ATRNL1: variants seen among roughly 807,000 people sequenced by gnomAD.
The protein encoded by ATRNL1 is attractin like 1, also known as attractin-like protein 1.
Under a neutral mutation model 182.7 loss-of-function variants are expected in ATRNL1, and 95 were observed. That is an observed-to-expected ratio of 0.52 (90% confidence interval 0.44 to 0.62). The LOEUF is 0.62. ATRNL1 is among the 20% of genes least tolerant of loss of function. The pLI, the probability that ATRNL1 is intolerant of heterozygous loss-of-function variation, is 0.00. For missense variants in ATRNL1, 1,471 were observed against 1,679.5 expected (o/e 0.88, Z 2.17); for synonymous variants, 576 against 568.3 (o/e 1.01, Z -0.19).
chr10:115,783,552 A>G lies in ATRNL1; in HGVS notation c.3903+56197A>G, dbSNP rs72826892. On this transcript the variant is annotated intron_variant, in intron 27 of 28. Coordinates refer to ENST00000355044, the MANE Select transcript of ATRNL1 (RefSeq NM_207303.4). ...ATAATAAATGTTAAAATACGTATAA[A>G]TTGCAAAGTACCTACACATTTAAGA... 6.7e-3 allele frequency among the ~76,000 whole-genome samples: 1,019 copies of G among 152,310 alleles called. 8 individuals carry two copies. Among genetic ancestry groups the G allele is most frequent in the Non-Finnish European group, 0.01 (714 of 68,034 alleles).
At chr10:115,633,434 T>C (rs895910221) in intron 26 of ATRNL1, among the ~76,000 whole-genome samples, 23 of 152,212 alleles carry the variant, frequency 1.5e-4, no homozygotes, top group African/African-American at 5.5e-4. Flanking sequence ...TCTATAGATT[T>C]ACACTATAAG....
At chr10:115,217,191 C>G (rs182258265) in intron 9 of ATRNL1, among the ~76,000 whole-genome samples, 14 of 152,218 alleles carry the variant, frequency 9.2e-5, no homozygotes, top group Non-Finnish European at 2.1e-4. Context: ...CACGTTCAAG[C>G]GATTCTCCTG....
chr10:115,175,727 A>G (rs1204315594), intron 8 of ATRNL1, among the ~76,000 whole-genome samples: 1 of 152,174 alleles, frequency 6.6e-6, no homozygotes. Context: ...AAAAATTAAT[A>G]TCTTACTTTA....
At chr10:115,868,773 A>G (rs1951498479) in intron 28 of ATRNL1, among the ~76,000 whole-genome samples, 1 of 150,966 alleles carries the variant, frequency 6.6e-6, no homozygotes, top group Non-Finnish European at 1.5e-5. Flanking sequence ...AATTGTTTTC[A>G]AAGCCCACAA....
At position 115,578,244 on chromosome 10, in the gene ATRNL1, T is replaced by C. The variant is rs782221748; in HGVS notation, c.3795+28708T>C. ...CTCGTGATGTCTCTGTCAGCTTTGA[T>C]GTCAGGGTGATACTAGCTTCATAAG... On this transcript the variant is annotated intron_variant, in intron 26 of 28. Coordinates refer to ENST00000355044, the MANE Select transcript of ATRNL1 (RefSeq NM_207303.4). 2.8e-4 allele frequency among the ~76,000 whole-genome samples: 43 copies of C among 151,974 alleles called. No homozygotes were observed. The Middle Eastern group carries it at 0.01, about 36-fold the overall frequency.
At chr10:115,692,692 GT>G (rs1390165775) in intron 26 of ATRNL1, among the ~76,000 whole-genome samples, 3 of 151,672 alleles carry the variant, frequency 2.0e-5, no homozygotes, top group Non-Finnish European at 4.4e-5. Flanking sequence ...TTCATTGAAT[GT>G]TTTTAAAACA....
chr10:115,887,062 G>A (rs1408611192), intron 28 of ATRNL1, among the ~76,000 whole-genome samples: 3 of 152,152 alleles, frequency 2.0e-5, no homozygotes, highest in Admixed American at 2.0e-4. Flanking sequence ...TATTGGCATT[G>A]ACTAGTGAAC....
intron 1 of ATRNL1, among the ~76,000 whole-genome samples, chr10:115,114,569 C>T (rs1844396214): frequency 6.6e-6 from 1 of 151,986 alleles, no homozygotes; most frequent in African/African-American, 2.4e-5. Flanking sequence ...CCTATTTAAA[C>T]ATGGGCAAAT....
intron 8 of ATRNL1, among the ~76,000 whole-genome samples, chr10:115,175,262 A>G (rs1041044021): frequency 2.0e-5 from 3 of 152,028 alleles, no homozygotes. Flanking sequence ...ATCAGACATA[A>G]TGGTGGTTAT....
At chr10:115,429,465 T>C (rs1846048601) in intron 21 of ATRNL1, among the ~76,000 whole-genome samples, 1 of 152,134 alleles carries the variant, frequency 6.6e-6, no homozygotes, top group Admixed American at 6.6e-5. Context: ...GGTAGGATGT[T>C]TATTATAATT....
At chr10:115,742,277 T>C (rs1948161455) in intron 27 of ATRNL1, among the ~76,000 whole-genome samples, 1 of 151,980 alleles carries the variant, frequency 6.6e-6, no homozygotes, top group African/African-American at 2.4e-5. Flanking sequence ...AAAAAATGTA[T>C]AGTAGGATAA....
At chr10:115,733,134 T>A (rs185645536) in intron 27 of ATRNL1, among the ~76,000 whole-genome samples, 24 of 147,190 alleles carry the variant, frequency 1.6e-4, no homozygotes, top group Non-Finnish European at 2.9e-4. Context: ...TTAAGATTGT[T>A]TATTTGGTAA....
At chr10:115,573,799 T>C (rs1003726946) in intron 26 of ATRNL1, among the ~76,000 whole-genome samples, 4 of 152,146 alleles carry the variant, frequency 2.6e-5, no homozygotes, top group African/African-American at 2.4e-5. Context: ...GCTTGATAGA[T>C]AAATTGGTTA....
Position 115,365,071 on chromosome 10 carries a change from A to G in ATRNL1, c.3176-29588A>G, listed in dbSNP as rs1252502278. Among the ~76,000 whole-genome samples, 3 of 148,412 alleles carry G rather than the reference A, an allele frequency of 2.0e-5. No homozygotes were observed. The East Asian group carries it at 5.9e-4, about 29-fold the overall frequency. On this transcript the variant is annotated intron_variant, in intron 19 of 28. Coordinates refer to ENST00000355044, the MANE Select transcript of ATRNL1 (RefSeq NM_207303.4). Reference sequence around the variant, plus strand: ...GGGAGGATTCCCTCTTTTTCTATTGATTGGAATAGTTTCAGAAGGAATGGT... The same window carrying G: ...GGGAGGATTCCCTCTTTTTCTATTGGTTGGAATAGTTTCAGAAGGAATGGT...
At position 115,462,021 on chromosome 10, in the gene ATRNL1, G is replaced by A. The variant is rs1847822921; in HGVS notation, c.3403G>A (p.Ala1135Thr). Residue 1135 changes from alanine (A) to threonine (T), a missense_variant, in exon 22 of 29, where the codon GCA becomes ACA. Transcript: ENST00000355044. ...DRHHTAINFI[A>T]NPEQSNKNLD... ...CCACCATACTGCCATAAACTTTATAGCAAACCCAGAACAGGTGAGGAAAAA... is the reference window on the plus strand; with the variant it reads ...CCACCATACTGCCATAAACTTTATAACAAACCCAGAACAGGTGAGGAAAAA... 2 of 1,607,040 alleles carry A rather than the reference G, an allele frequency of 1.2e-6. No individual in the cohort carries two copies. Among genetic ancestry groups the A allele is most frequent in the African/African-American group, 1.3e-5 (1 of 74,706 alleles).
intron 28 of ATRNL1, among the ~76,000 whole-genome samples, chr10:115,922,087 G>A (rs1038387701): frequency 2.8e-4 from 43 of 152,122 alleles, no homozygotes; most frequent in Non-Finnish European, 3.4e-4. Context: ...CCAGACCAGG[G>A]CCTGAAACTA....
intron 6 of ATRNL1, among the ~76,000 whole-genome samples, chr10:115,164,762 G>A (rs568158889): frequency 2.0e-5 from 3 of 152,204 alleles, no homozygotes; most frequent in African/African-American, 7.2e-5. Flanking sequence ...AAATGTCAGA[G>A]CTATAAAAGT....
At chr10:115,555,512 A>AGAAT (rs1273229391) in intron 26 of ATRNL1, among the ~76,000 whole-genome samples, 1 of 151,972 alleles carries the variant, frequency 6.6e-6, no homozygotes, top group African/African-American at 2.4e-5. Context: ...ACTGAAAAAA[A>AGAAT]GAATGAGGCA....
At chr10:115,234,866 G>A (rs1313136657) in intron 9 of ATRNL1, among the ~76,000 whole-genome samples, 1 of 152,006 alleles carries the variant, frequency 6.6e-6, no homozygotes, top group Non-Finnish European at 1.5e-5. Flanking sequence ...TGGGATTACT[G>A]GTATGAGCCG....
Sources: gnomAD v4.1 joint callset for allele counts (sites outside exome capture counted in the v4.1 genomes callset) on GRCh38, gnomAD v4.1.1 for gene constraint, MANE v1.5 for transcripts, NCBI Gene and HGNC (gene_info 2026-07-23, HGNC 2026-07-21) for gene names.